The following VNN1 variants were observed in gnomAD, a reference collection of about 807,000 sequenced individuals.
VNN1 encodes pantetheinase.
Under a neutral mutation model 41.9 loss-of-function variants are expected in VNN1, and 29 were observed. The ratio of observed to expected loss-of-function variants is 0.69; its 90% CI spans 0.52 to 0.94. VNN1 has a LOEUF of 0.94. VNN1 is among the 40% of genes least tolerant of loss of function. The pLI is 0.00. For synonymous variants in VNN1, 233 were observed against 224.4 expected, an observed-to-expected ratio of 1.04 and a Z score of -0.34; for missense variants, 637 against 621.1, an observed-to-expected ratio of 1.03 and a Z score of -0.27.
intron 2 of VNN1, among the ~76,000 whole-genome samples, chr6:132,695,340 T>TA (rs1374985825): frequency 6.6e-6 from 1 of 152,204 alleles, no homozygotes; most frequent in Non-Finnish European, 1.5e-5. Flanking sequence ...AACTTACAGT[T>TA]AATTTCAGTC....
intron 1 of VNN1, among the ~76,000 whole-genome samples, chr6:132,712,789 A>T (rs192648446): frequency 1.3e-5 from 2 of 152,280 alleles, no homozygotes; most frequent in East Asian, 3.9e-4. Context: ...TAGTTGGACT[A>T]AGGATGAAAA....
intron 3 of VNN1, among the ~76,000 whole-genome samples, chr6:132,693,624 C>A (rs531873241): frequency 1.3e-5 from 2 of 152,284 alleles, no homozygotes; most frequent in South Asian, 2.1e-4. Flanking sequence ...TGGCAAGGAA[C>A]TTTGTTTGTT....
intron 2 of VNN1, among the ~76,000 whole-genome samples, chr6:132,697,091 T>G (rs561967096): frequency 9.4e-5 from 14 of 149,196 alleles, no homozygotes; most frequent in Non-Finnish European, 1.0e-4. Flanking sequence ...GGTGACAGAG[T>G]GAGACTCTGT....
At chr6:132,685,900 G>T (rs1350630622) in intron 5 of VNN1, among the ~76,000 whole-genome samples, 3 of 152,050 alleles carry the variant, frequency 2.0e-5, no homozygotes, top group African/African-American at 7.2e-5. Flanking sequence ...TAGTTGAAGG[G>T]GATTACCTGA....
chr6:132,684,753 A>C (rs1433546900), intron 5 of VNN1, among the ~76,000 whole-genome samples: 1 of 152,184 alleles, frequency 6.6e-6, no homozygotes, highest in Non-Finnish European at 1.5e-5. Context: ...CAACTGAAAT[A>C]CTCTCTTGAT....
At chr6:132,703,796 G>C (rs1011873739) in intron 2 of VNN1, among the ~76,000 whole-genome samples, 1 of 152,030 alleles carries the variant, frequency 6.6e-6, no homozygotes, top group African/African-American at 2.4e-5. Flanking sequence ...CAATGGCAAT[G>C]GTCGATTGTG....
Position 132,683,321 on chromosome 6 carries a change from A to C in VNN1, c.1361T>G (p.Val454Gly), listed in dbSNP as rs746522981. The change falls in exon 7 of 7, where the codon GTG becomes GGG. Residue 454 changes from valine (V) to glycine (G), a missense_variant and splice_region_variant. By Grantham distance (109) the Val-to-Gly change is moderately radical. Coordinates refer to ENST00000367928, the MANE Select transcript of VNN1 (RefSeq NM_004666.3). ...ENQLAPGEFQ[V>G]STDGRLFSLK... is the part of the protein sequence containing the mutation. Reference sequence around the variant, plus strand: ...ACTAAACAAGCGTCCGTCAGTTGACACCTGATTAAAACAAAAAAGTAGGCA... The same window carrying C: ...ACTAAACAAGCGTCCGTCAGTTGACCCCTGATTAAAACAAAAAAGTAGGCA... 6 of 1,610,388 alleles carry C rather than the reference A, an allele frequency of 3.7e-6. No homozygotes were observed. Among genetic ancestry groups the C allele is most frequent in the Non-Finnish European group, 5.1e-6 (6 of 1,179,060 alleles).
Position 132,693,979 on chromosome 6 carries a change from A to G in VNN1, c.534+11T>C. The G allele has an allele frequency of 6.2e-7, 1 of 1,613,940 alleles. No individual in the cohort carries two copies. The highest frequency in any genetic ancestry group is 2.2e-5 in the East Asian group (1 of 44,876). On this transcript the variant is annotated intron_variant, in intron 3 of 6. Coordinates refer to ENST00000367928, the MANE Select transcript of VNN1 (RefSeq NM_004666.3). ...CATTAACTAATTGGATTATTTGCAAATTAATTTTACCTTATGGTAGCGTGC... is the reference window on the plus strand; with the variant it reads ...CATTAACTAATTGGATTATTTGCAAGTTAATTTTACCTTATGGTAGCGTGC...
chr6:132,690,715 A>G (rs970278140), intron 5 of VNN1, among the ~76,000 whole-genome samples: 1 of 152,206 alleles, frequency 6.6e-6, no homozygotes, highest in African/African-American at 2.4e-5. Flanking sequence ...TTCATTTGCT[A>G]AAACGAAAAA....
chr6:132,700,618 C>T (rs533995702), intron 2 of VNN1, among the ~76,000 whole-genome samples: 2 of 152,260 alleles, frequency 1.3e-5, no homozygotes, highest in East Asian at 1.9e-4. Context: ...CCAAGAAGGG[C>T]ACCCTGGGGA....
chr6:132,692,823 A>T (rs1323619376), intron 4 of VNN1, among the ~76,000 whole-genome samples: 1 of 152,222 alleles, frequency 6.6e-6, no homozygotes, highest in Non-Finnish European at 1.5e-5. Flanking sequence ...TGAAAAAAAA[A>T]TCAAGTTAAA....
At chr6:132,689,487 A>G (rs1778253336) in intron 5 of VNN1, among the ~76,000 whole-genome samples, 1 of 152,192 alleles carries the variant, frequency 6.6e-6, no homozygotes, top group East Asian at 1.9e-4. Flanking sequence ...CAAAAATGCT[A>G]ATAATGGTCA....
intron 5 of VNN1, among the ~76,000 whole-genome samples, chr6:132,691,332 T>G (rs978775194): frequency 1.3e-5 from 2 of 152,148 alleles, no homozygotes; most frequent in African/African-American, 4.8e-5. Context: ...GAAGCCCTGT[T>G]AAGTGAGATA....
At chr6:132,710,166 C>T (rs1778578299) in intron 2 of VNN1, among the ~76,000 whole-genome samples, 1 of 152,074 alleles carries the variant, frequency 6.6e-6, no homozygotes, top group African/African-American at 2.4e-5. Context: ...CTCCCTGCCT[C>T]AGCCTTCCAA....
intron 2 of VNN1, among the ~76,000 whole-genome samples, chr6:132,703,123 G>T (rs1243299040): frequency 6.6e-6 from 1 of 152,194 alleles, no homozygotes; most frequent in African/African-American, 2.4e-5. Context: ...CCCTGAGCCA[G>T]AAAAGAACCC....
chr6:132,695,099 C>T (rs1475340405), intron 2 of VNN1, among the ~76,000 whole-genome samples: 2 of 152,126 alleles, frequency 1.3e-5, no homozygotes, highest in Non-Finnish European at 2.9e-5. Context: ...TTGTGGTGAG[C>T]TGAGATCATG....
intron 5 of VNN1, among the ~76,000 whole-genome samples, chr6:132,690,953 C>T (rs1013818464): frequency 2.0e-5 from 3 of 152,124 alleles, no homozygotes; most frequent in Non-Finnish European, 2.9e-5. Context: ...CTCTTGGTGA[C>T]GATAACACCA....
chr6:132,692,907 A>G lies in VNN1; in HGVS notation c.826+117T>C, dbSNP rs908816327. ...AGCATATTAACAGCTAGATGTTCAA[A>G]AATTAAGAGCTGGAAAACATTGTAT... On this transcript the variant is annotated intron_variant, in intron 4 of 6. Coordinates refer to ENST00000367928, the MANE Select transcript of VNN1 (RefSeq NM_004666.3). 18 of 1,231,450 alleles carry G rather than the reference A, an allele frequency of 1.5e-5. No homozygotes were observed. In the African/African-American group the frequency reaches 2.8e-4, roughly 19 times the overall value. 76.3% of individuals were successfully genotyped at this position (1,231,450 alleles called of 1,614,324 possible). A position where few individuals can be genotyped will look rare whatever the true frequency, so the allele number is the denominator to read the frequency against.
At chr6:132,686,593 A>T (rs777349542) in intron 5 of VNN1, among the ~76,000 whole-genome samples, 1 of 152,192 alleles carries the variant, frequency 6.6e-6, no homozygotes, top group Non-Finnish European at 1.5e-5. Flanking sequence ...CTCCAAAGAC[A>T]CTTACCTCCG....
Sources: allele counts gnomAD v4.1 joint callset (sites outside exome capture counted in the v4.1 genomes callset), GRCh38; gene constraint gnomAD v4.1.1; transcripts MANE v1.5; gene names NCBI Gene and HGNC (gene_info 2026-07-23, HGNC 2026-07-21).